Variants in PDE1C observed in about 807,000 individuals in gnomAD.
PDE1C encodes the protein phosphodiesterase 1C, also known as dual specificity calcium/calmodulin-dependent 3',5'-cyclic nucleotide phosphodiesterase 1C.
PDE1C carries 62 observed loss-of-function variants against 93.1 expected under a neutral mutation model. The observed-to-expected ratio is 0.67, with a 90% confidence interval of 0.54 to 0.82. The LOEUF is 0.82. Among genes scored for constraint, PDE1C ranks in the 40% least tolerant of loss-of-function variants. PDE1C has a pLI of 0.00. For synonymous variants in PDE1C, 325 were observed against 310.1 expected, an observed-to-expected ratio of 1.05 and a Z score of -0.50; for missense variants, 742 against 884.6, an observed-to-expected ratio of 0.84 and a Z score of 2.04.
rs576097791 is a variant in PDE1C at position 32,232,660 on chromosome 7, C to A, written c.86-23121G>T. Reference sequence around the variant, plus strand: ...TTGGGAAAGCAAACCAATAAAGTTACATGAACTTCTGGACTCATCTGTGAG... The same window carrying A: ...TTGGGAAAGCAAACCAATAAAGTTAAATGAACTTCTGGACTCATCTGTGAG... On this transcript the variant is annotated intron_variant, in intron 1 of 18. Transcript: ENST00000396193. 3.3e-5 allele frequency among the ~76,000 whole-genome samples: 5 copies of A among 152,308 alleles called. No homozygotes were observed. In the East Asian group the frequency reaches 9.6e-4, roughly 29 times the overall value.
intron 2 of PDE1C, among the ~76,000 whole-genome samples, chr7:31,905,582 C>T (rs1254818963): frequency 6.6e-6 from 1 of 152,040 alleles, no homozygotes; most frequent in Non-Finnish European, 1.5e-5. Context: ...TTTTAAAGCC[C>T]CTGTGGTCAA....
intron 2 of PDE1C, among the ~76,000 whole-genome samples, chr7:31,912,834 G>T (rs1446420386): frequency 6.6e-6 from 1 of 151,920 alleles, no homozygotes; most frequent in East Asian, 1.9e-4. Context: ...TTGGAAAATA[G>T]ATTTTTTTTT....
chr7:31,841,227 C>CTCTATATATA (rs751320538), intron 9 of PDE1C, among the ~76,000 whole-genome samples: 3,002 of 142,236 alleles, frequency 0.021, 45 homozygotes, highest in East Asian at 0.04. Flanking sequence ...CTCTCTCTCT[C>CTCTATATATA]TATATATATA....
At chr7:31,776,536 G>C (rs186152826) in intron 16 of PDE1C, among the ~76,000 whole-genome samples, 1 of 152,208 alleles carries the variant, frequency 6.6e-6, no homozygotes, top group African/African-American at 2.4e-5. Flanking sequence ...AGGGACAAAG[G>C]GAGAACTGAG....
chr7:32,026,628 A>G (rs770815564), intron 2 of PDE1C, among the ~76,000 whole-genome samples: 1 of 152,142 alleles, frequency 6.6e-6, no homozygotes, highest in Non-Finnish European at 1.5e-5. Context: ...GATTCCTTCA[A>G]AACTAAACAC....
chr7:32,066,416 A>G (rs1176159516), intron 1 of PDE1C, among the ~76,000 whole-genome samples: 1 of 152,226 alleles, frequency 6.6e-6, no homozygotes, highest in Non-Finnish European at 1.5e-5. Context: ...AGTGTTATAT[A>G]AGCATAAAAT....
At chr7:31,839,275 T>A (rs1204153829) in intron 9 of PDE1C, among the ~76,000 whole-genome samples, 1 of 150,566 alleles carries the variant, frequency 6.6e-6, no homozygotes, top group Non-Finnish European at 1.5e-5. Context: ...CACACATTAT[T>A]TTAAAATAGT....
chr7:31,753,275 C>T lies in PDE1C; in HGVS notation c.*109G>A. Reference sequence around the variant, plus strand: ...TTGGTGGAGTCAACCAGGATAGTACCTGCTCCAACAGCCTCCAAGGGTCTT... The same window carrying T: ...TTGGTGGAGTCAACCAGGATAGTACTTGCTCCAACAGCCTCCAAGGGTCTT... On this transcript the variant is annotated 3_prime_UTR_variant, in exon 18 of 18. Coordinates refer to ENST00000396191, the MANE Select transcript of PDE1C (RefSeq NM_001191057.4). 1 of 1,373,188 alleles carries T rather than the reference C, an allele frequency of 7.3e-7. No homozygotes were observed. The highest frequency in any genetic ancestry group is 2.4e-5 in the Admixed American group (1 of 42,442). The allele number at this position is 1,373,188 out of a possible 1,614,324, so 85.1% of individuals were successfully genotyped here. A position where few individuals can be genotyped will look rare whatever the true frequency, so the allele number is the denominator to read the frequency against.
At chr7:32,082,301 G>A in intron 3 of PDE1C, among the ~76,000 whole-genome samples, 1 of 152,256 alleles carries the variant, frequency 6.6e-6, no homozygotes, top group Non-Finnish European at 1.5e-5. Flanking sequence ...GTGGCAGCGA[G>A]GCTGGGGGAG....
intron 2 of PDE1C, among the ~76,000 whole-genome samples, chr7:31,998,383 G>A (rs1785036337): frequency 6.6e-6 from 1 of 152,124 alleles, no homozygotes. Flanking sequence ...ATTATTGGAT[G>A]CATTAGTAAA....
chr7:32,066,506 G>C (rs1357662347), intron 1 of PDE1C, among the ~76,000 whole-genome samples: 1 of 152,112 alleles, frequency 6.6e-6, no homozygotes, highest in Non-Finnish European at 1.5e-5. Flanking sequence ...TAAATGCCAA[G>C]GAATAAGTAA....
intron 8 of PDE1C, among the ~76,000 whole-genome samples, chr7:31,850,415 A>G (rs1793186420): frequency 6.6e-6 from 1 of 152,182 alleles, no homozygotes; most frequent in Non-Finnish European, 1.5e-5. Context: ...AGAAAAAGAT[A>G]TCTATATGAG....
At chr7:31,834,872 T>C (rs1486133992) in intron 11 of PDE1C, among the ~76,000 whole-genome samples, 3 of 152,056 alleles carry the variant, frequency 2.0e-5, no homozygotes, top group Non-Finnish European at 1.5e-5. Context: ...TGGAATGACA[T>C]GGTTTGGCTG....
intron 2 of PDE1C, among the ~76,000 whole-genome samples, chr7:32,009,741 A>G (rs1259922922): frequency 6.6e-6 from 1 of 152,174 alleles, no homozygotes; most frequent in East Asian, 1.9e-4. Context: ...AGAAGAAGTA[A>G]AACTGTCTTT....
At chr7:32,342,621 T>C (rs377621445) in intron 1 of PDE1C, among the ~76,000 whole-genome samples, 6 of 152,210 alleles carry the variant, frequency 3.9e-5, no homozygotes, top group East Asian at 1.9e-4. Flanking sequence ...ACATGAGTGA[T>C]AGTATGGTGT....
intron 9 of PDE1C, among the ~76,000 whole-genome samples, chr7:31,839,540 C>G (rs1791579769): frequency 6.6e-6 from 1 of 152,066 alleles, no homozygotes; most frequent in South Asian, 2.1e-4. Context: ...GAGTGGTATT[C>G]TATCATATGA....
chr7:31,716,411 A>C, the PDE1C span, among the ~76,000 whole-genome samples: 1 of 152,224 alleles, frequency 6.6e-6, no homozygotes. Flanking sequence ...TATTACCATG[A>C]TTTAGTTAAA....
Position 31,815,983 on chromosome 7 carries a change from T to C in PDE1C, c.1754A>G (p.Asp585Gly). The part of the protein sequence containing the change: ...QVNGTRANKS[D>G]NPRGKNSKAE... ...TTTGGAGTTTTTCCCACGAGGGTTG[T>C]CACTTTTGTTTGCCCGTGTTCCATT... The change falls in exon 15 of 18, where the codon GAC (aspartate) becomes GGC (glycine). Residue 585 changes from aspartate to glycine, a missense_variant. Around this residue, in one of 4 missense-constraint regions of PDE1C, gnomAD observed 454 missense variants for 459.4 expected, o/e 0.99. Transcript: ENST00000396191. 1 of 1,614,070 alleles carries C rather than the reference T, an allele frequency of 6.2e-7. No individual in the cohort carries two copies. The highest frequency in any genetic ancestry group is 1.3e-5 in the African/African-American group (1 of 75,046).
chr7:32,368,250 C>CA (rs200093678), intron 1 of PDE1C, among the ~76,000 whole-genome samples: 227 of 151,034 alleles, frequency 1.5e-3, no homozygotes, highest in African/African-American at 5.2e-3. Context: ...AAAGACTCTG[C>CA]AAAAAAAAGA....
Sources: allele counts gnomAD v4.1 joint callset (sites outside exome capture counted in the v4.1 genomes callset), GRCh38; gene constraint gnomAD v4.1.1; regional missense constraint gnomAD v4.1.1; transcripts MANE v1.5; gene names NCBI Gene and HGNC (gene_info 2026-07-23, HGNC 2026-07-21).